Variants in CFAP161 observed in about 807,000 individuals in gnomAD.
CFAP161 encodes cilia and flagella associated protein 161, also known as cilia- and flagella-associated protein 161.
Under a neutral mutation model 29.0 loss-of-function variants are expected in CFAP161, and 25 were observed. That is an observed-to-expected ratio of 0.86 (90% CI 0.63 to 1.20). The LOEUF (loss-of-function observed/expected upper bound fraction) is 1.20. Among genes scored for constraint, CFAP161 ranks in the 50% most tolerant of loss-of-function variants. The pLI, the probability that CFAP161 is intolerant of heterozygous loss-of-function variation, is 0.00. For missense variants in CFAP161, 367 were observed against 371.9 expected (o/e 0.99, Z 0.11); for synonymous variants, 116 against 137.4 (o/e 0.84, Z 1.09).
intron 1 of CFAP161, among the ~76,000 whole-genome samples, chr15:81,123,322 A>C (rs902552015): frequency 3.3e-5 from 5 of 152,062 alleles, no homozygotes; most frequent in African/African-American, 1.2e-4. Context: ...TGTTTTTGTC[A>C]GGTTTGTTGA....
chr15:81,130,326 C>T (rs1483239676), upstream of CFAP161, among the ~76,000 whole-genome samples: 1 of 152,218 alleles, frequency 6.6e-6, no homozygotes, highest in Admixed American at 6.5e-5. Flanking sequence ...CACAACTTAG[C>T]TAACTGCTTT....
chr15:81,127,906 A>G (rs931492829), intron 2 of CFAP161, among the ~76,000 whole-genome samples: 3 of 152,226 alleles, frequency 2.0e-5, no homozygotes, highest in Non-Finnish European at 4.4e-5. Context: ...ATAGTAAACT[A>G]TGTGTGTATT....
intron 1 of CFAP161, among the ~76,000 whole-genome samples, chr15:81,113,760 G>T (rs890041077): frequency 6.6e-6 from 1 of 152,162 alleles, no homozygotes; most frequent in Non-Finnish European, 1.5e-5. Context: ...AACATTTATT[G>T]TTCAAGAGTT....
upstream of CFAP161, among the ~76,000 whole-genome samples, chr15:81,131,136 T>TA (rs34706078): frequency 0.15 from 19,311 of 130,816 alleles, 1,515 homozygotes; most frequent in African/African-American, 0.23. Context: ...CTTCAATTTG[T>TA]AAAAAAAAAA....
chr15:81,130,937 A>G (rs1411462963), upstream of CFAP161, among the ~76,000 whole-genome samples: 1 of 152,158 alleles, frequency 6.6e-6, no homozygotes, highest in Non-Finnish European at 1.5e-5. Flanking sequence ...CCCATGGTTC[A>G]TGGTGCCCCA....
At chr15:81,142,459 T>C (rs1332822913) in intron 4 of CFAP161, among the ~76,000 whole-genome samples, 6 of 152,110 alleles carry the variant, frequency 3.9e-5, no homozygotes, top group Non-Finnish European at 8.8e-5. Context: ...ATCCTCACCC[T>C]CTCTGTGTTC....
upstream of CFAP161, among the ~76,000 whole-genome samples, chr15:81,131,068 C>T (rs757292525): frequency 1.2e-4 from 18 of 148,490 alleles, no homozygotes; most frequent in Admixed American, 8.9e-4. Context: ...GTGAAGTGAG[C>T]GTATGCTGTT....
chr15:81,138,404 AG>A (rs779305673), intron 4 of CFAP161, among the ~76,000 whole-genome samples: 33 of 152,382 alleles, frequency 2.2e-4, no homozygotes, highest in Non-Finnish European at 4.4e-4. Context: ...AAAAAGCAAA[AG>A]TTTATACCAC....
chr15:81,136,662 T>C lies in CFAP161; in HGVS notation c.306T>C (p.His102=), dbSNP rs756240929. ...TGACTCCAGATGAAATTCAGTCCCA[T>C]CTGAAAGACGAATTAGAGGTACCCT... is the stretch of plus-strand genomic sequence containing the variant. ...LCMTPDEIQS[H]LKDELEVPCG... The change falls in exon 3 of 7, where the codon CAT becomes CAC. Residue 102 remains histidine, a synonymous_variant. Transcript: ENST00000286732. The C allele has an allele frequency of 9.9e-6, 16 of 1,614,150 alleles. No individual in the cohort carries two copies. In the South Asian group the frequency reaches 1.8e-4, roughly 18 times the overall value.
intron 4 of CFAP161, 151 bp from the exon 5 acceptor site, chr15:81,143,511 A>G (rs1266566656): frequency 1.2e-6 from 1 of 804,634 alleles, no homozygotes; most frequent in Non-Finnish European, 2.0e-6. Flanking sequence ...TCTAAGGTAG[A>G]GGAAAATTGT....
Position 81,134,273 on chromosome 15 carries a change from G to C in CFAP161, c.-57G>C, listed in dbSNP as rs1465579093. On this transcript the variant is annotated 5_prime_UTR_variant, in exon 1 of 7. Coordinates refer to ENST00000286732, the MANE Select transcript of CFAP161 (RefSeq NM_173528.4). ...CCTGGGGCCGGGTCGTCATGGCGAC[G>C]CGCCACGCTAACGCATGGTGTCGGA... is the stretch of plus-strand genomic sequence containing the variant. The C allele has an allele frequency of 1.3e-6, 2 of 1,547,884 alleles. No homozygotes were observed. The highest frequency in any genetic ancestry group is 1.7e-6 in the Non-Finnish European group (2 of 1,142,904).
At chr15:81,126,005 G>C (rs998269313) in intron 1 of CFAP161, among the ~76,000 whole-genome samples, 16 of 152,232 alleles carry the variant, frequency 1.1e-4, no homozygotes, top group Middle Eastern at 3.4e-3. Context: ...GAGTAGCTGG[G>C]ATTACAGATG....
chr15:81,137,565 C>T (rs1894833233), intron 3 of CFAP161, among the ~76,000 whole-genome samples: 1 of 152,132 alleles, frequency 6.6e-6, no homozygotes, highest in Admixed American at 6.5e-5. Flanking sequence ...CACTGAACTC[C>T]AGCCTGGGGG....
chr15:81,143,525 TTC>T (rs745382707), intron 4 of CFAP161, 135 bp from the exon 5 acceptor site: 2 of 971,352 alleles, frequency 2.1e-6, no homozygotes, highest in Non-Finnish European at 3.1e-6. Context: ...AAATTGTGCT[TTC>T]TCATACAATC....
At position 81,103,495 on chromosome 15, in the gene CFAP161, A is replaced by G. The variant is rs556803239; in HGVS notation, c.-141-24095A>G. ...AAAACTCAAGAGGAAAACAAAAAAAACCCAAGAGGACTGTGAATTTGGGGA... is the reference window on the plus strand; with the variant it reads ...AAAACTCAAGAGGAAAACAAAAAAAGCCCAAGAGGACTGTGAATTTGGGGA... On this transcript the variant is annotated intron_variant, in intron 1 of 4. Transcript: ENST00000560091. 1.1e-3 allele frequency among the ~76,000 whole-genome samples: 169 copies of G among 152,232 alleles called. 2 individuals carry two copies. Among genetic ancestry groups the G allele is most frequent in the Non-Finnish European group, 2.0e-3 (136 of 68,016 alleles).
intron 1 of CFAP161, among the ~76,000 whole-genome samples, chr15:81,124,911 C>T (rs959144738): frequency 1.3e-5 from 2 of 151,940 alleles, no homozygotes; most frequent in Non-Finnish European, 1.5e-5. Context: ...TATTAATAGA[C>T]TCATATACTT....
intron 1 of CFAP161, among the ~76,000 whole-genome samples, chr15:81,100,989 G>A (rs1424873020): frequency 6.6e-6 from 1 of 152,160 alleles, no homozygotes; most frequent in Admixed American, 6.5e-5. Flanking sequence ...GCTGGCTTGA[G>A]GAAGGAGTTT....
At chr15:81,124,380 T>A (rs1894614082) in intron 1 of CFAP161, among the ~76,000 whole-genome samples, 1 of 152,220 alleles carries the variant, frequency 6.6e-6, no homozygotes, top group Admixed American at 6.5e-5. Context: ...TCATGGTAGA[T>A]AAGCCTTTGA....
At chr15:81,111,333 A>T (rs921700413) in intron 1 of CFAP161, among the ~76,000 whole-genome samples, 3 of 152,238 alleles carry the variant, frequency 2.0e-5, no homozygotes, top group Non-Finnish European at 2.9e-5. Flanking sequence ...GGATTTGCCC[A>T]TTGCAGTGTC....
Sources: gnomAD v4.1 joint callset for allele counts (sites outside exome capture counted in the v4.1 genomes callset) on GRCh38, gnomAD v4.1.1 for gene constraint, MANE v1.5 for transcripts, NCBI Gene and HGNC (gene_info 2026-07-23, HGNC 2026-07-21) for gene names.